The following C2CD3 variants were observed in gnomAD, a reference collection of about 807,000 sequenced individuals.
C2CD3 encodes the protein C2 domain containing 3 centriole elongation regulator.
C2CD3 carries 148 observed loss-of-function variants against 234.0 expected under a neutral mutation model. That is an observed-to-expected ratio of 0.63 (90% CI 0.55 to 0.72). The LOEUF is 0.72. C2CD3 is among the 30% of genes least tolerant of loss of function. The pLI is 0.00. For missense variants in C2CD3, 2,577 were observed against 2,811.5 expected, an observed-to-expected ratio of 0.92 and a Z score of 1.89; for synonymous variants, 1,000 against 1,035.4, an observed-to-expected ratio of 0.97 and a Z score of 0.66.
chr11:74,162,661 C>CTT (rs1381960535), intron 2 of C2CD3, among the ~76,000 whole-genome samples: 1 of 152,028 alleles, frequency 6.6e-6, no homozygotes, highest in Non-Finnish European at 1.5e-5. Context: ...CAACAAATAC[C>CTT]ACACACTGAG....
chr11:74,169,116 T>A (rs1190784963), intron 1 of C2CD3, among the ~76,000 whole-genome samples: 1 of 152,230 alleles, frequency 6.6e-6, no homozygotes, highest in Non-Finnish European at 1.5e-5. Flanking sequence ...CACAAACGAT[T>A]TAGACTATAT....
chr11:74,065,317 C>T (rs190837259), intron 24 of C2CD3, among the ~76,000 whole-genome samples: 1 of 152,304 alleles, frequency 6.6e-6, no homozygotes, highest in East Asian at 1.9e-4. Context: ...GAAAAAAACT[C>T]ATCATCACTG....
intron 30 of C2CD3, 149 bp downstream of exon 30, chr11:74,037,329 A>C: frequency 1.4e-6 from 1 of 695,706 alleles, no homozygotes. Context: ...TTCAAACGCA[A>C]GATGGTTAAA....
At position 74,074,332 on chromosome 11, in the gene C2CD3, C is replaced by T. The variant is rs745601290; in HGVS notation, c.4872G>A (p.Thr1624=). 6 of 1,614,230 alleles carry T rather than the reference C, an allele frequency of 3.7e-6. No homozygotes were observed. The highest frequency in any genetic ancestry group is 2.7e-5 in the African/African-American group (2 of 75,058). The change falls in exon 24 of 33, where the codon ACG becomes ACA. Residue 1624 remains threonine, a synonymous_variant. Coordinates refer to ENST00000334126, the MANE Select transcript of C2CD3 (RefSeq NM_001286577.2). ...CSSTTAEVRL[T]QEGPADLDGT... ...CATCCAAATCAGCAGGGCCCTCCTG[C>T]GTCAGGCGGACTTCAGCTGTGGTGC...
chr11:74,109,145 C>T lies in C2CD3; in HGVS notation c.1851G>A (p.Lys617=), dbSNP rs145991766. The change falls in exon 12 of 33, where the codon AAG becomes AAA. Residue 617 remains lysine (K), a synonymous_variant. Transcript: ENST00000334126. ...ASSKITDGKV[K]FQQRFVFPVQ... ...CTGGAAACACAAATCGCTGCTGGAA[C>T]TTCACCTCTGTAAGGAGAACCAGAC... 1 of 1,559,958 alleles carries T rather than the reference C, an allele frequency of 6.4e-7. No homozygotes were observed. Among genetic ancestry groups the T allele is most frequent in the Non-Finnish European group, 8.7e-7 (1 of 1,151,142 alleles).
chr11:74,142,149 G>A lies in C2CD3; in HGVS notation c.484-2321C>T, dbSNP rs532672756. The A allele has an allele frequency of 2.6e-5, 4 of 152,322 alleles. No individual in the cohort carries two copies. In the East Asian group the frequency reaches 7.7e-4, roughly 29 times the overall value. 9.4% of individuals were successfully genotyped at this position (152,322 alleles called of 1,614,324 possible). On this transcript the variant is annotated intron_variant, in intron 3 of 32. Coordinates refer to ENST00000334126, the MANE Select transcript of C2CD3 (RefSeq NM_001286577.2). ...TGGTGACATACCTATCAAGTACAAT[G>A]ACTACGGCTTCTAGTGCTTTGGCAA...
At chr11:74,139,456 A>T in intron 4 of C2CD3, 149 bp downstream of exon 4, 1 of 707,122 alleles carries the variant, frequency 1.4e-6, no homozygotes. Flanking sequence ...TCAAACCAGG[A>T]CCAGAGTGGG....
At chr11:74,132,727 G>C (rs761308310) in intron 7 of C2CD3, 117 bp downstream of exon 7, 22 of 949,146 alleles carry the variant, frequency 2.3e-5, no homozygotes, top group Non-Finnish European at 3.5e-5. Context: ...TTAAGGAATA[G>C]GGAAGGGCTT....
intron 7 of C2CD3, chr11:74,128,677 G>A (rs1394127621): frequency 6.6e-6 from 1 of 151,764 alleles, no homozygotes; most frequent in Non-Finnish European, 1.5e-5. Flanking sequence ...GTTTTCCTAG[G>A]CAGAGGACCC....
rs566285941 is a variant in C2CD3 at position 74,025,013 on chromosome 11, C to T, written c.6921+3274G>A. Among the ~76,000 whole-genome samples, 28 of 151,996 alleles carry T rather than the reference C, an allele frequency of 1.8e-4. No homozygotes were observed. The South Asian group carries it at 1.9e-3, about 10-fold the overall frequency. On this transcript the variant is annotated intron_variant, in intron 32 of 32. Transcript: ENST00000334126. ...GCAAACAATGGAATGTTGTTAAGGG[C>T]AACAAAGAAAAAAGGCTGAAAAGTA...
chr11:74,054,641 T>C lies in C2CD3; in HGVS notation c.5121A>G (p.Gln1707=), dbSNP rs909010609. 1.3e-5 allele frequency: 21 copies of C among 1,612,680 alleles called. No homozygotes were observed. The highest frequency in any genetic ancestry group is 5.0e-5 in the Admixed American group (3 of 59,826). The change falls in exon 26 of 33, where the codon CAA becomes CAG. Residue 1707 remains glutamine (Q), a synonymous_variant. Coordinates refer to ENST00000334126, the MANE Select transcript of C2CD3 (RefSeq NM_001286577.2). ...RLSKELLLDP[Q]QTLVFKVWHK... ...GCCAAACTTTGAAGACCAGGGTTTG[T>C]TGTGGGTCCAGAAGCAGCTCTTTTG...
At position 74,059,410 on chromosome 11, in the gene C2CD3, CAAAAA is replaced by C. The variant is rs57052333; in HGVS notation, c.4952-1871_4952-1867del. ...TGGGTGACAGAGCGAGACTCTGTCT[CAAAAA>C]AAAAAAAAAAAAAAAAAAAAGAAAG... On this transcript the variant is annotated intron_variant, in intron 24 of 32. Transcript: ENST00000334126. Among the ~76,000 whole-genome samples, 19 of 29,962 alleles carry C rather than the reference CAAAAA, an allele frequency of 6.3e-4. 1 individual carries two copies. The highest frequency in any genetic ancestry group is 2.4e-3 in the African/African-American group (17 of 7,234). The allele number at this position is 29,962 out of a possible 152,430, so 19.7% of individuals were successfully genotyped here. A position where few individuals can be genotyped will look rare whatever the true frequency, so the allele number is the denominator to read the frequency against.
chr11:74,066,313 G>C (rs1201869429), intron 24 of C2CD3, among the ~76,000 whole-genome samples: 1 of 143,930 alleles, frequency 6.9e-6, no homozygotes, highest in East Asian at 2.1e-4. Context: ...TAAATGACGA[G>C]TTAATGGGTG....
chr11:74,121,625 A>C (rs541596827), intron 8 of C2CD3, among the ~76,000 whole-genome samples: 2 of 151,946 alleles, frequency 1.3e-5, no homozygotes, highest in African/African-American at 4.8e-5. Context: ...AAAAAAAAAA[A>C]AAAAGAATTA....
At position 74,095,405 on chromosome 11, in the gene C2CD3, C is replaced by G; in HGVS notation, c.2983G>C (p.Glu995Gln). ...QPTAASVAMA[E>Q]DRGNGLMEHC... ...TCCATCAGTCCATTTCCTCGGTCCT[C>G]TGCCTATTAAATGAAACAGAAACAC... Residue 995 changes from glutamate (E) to glutamine (Q), a missense_variant, in exon 17 of 33, where the codon GAG becomes CAG. Transcript: ENST00000334126. 1 of 1,608,684 alleles carries G rather than the reference C, an allele frequency of 6.2e-7. No homozygotes were observed. Among genetic ancestry groups the G allele is most frequent in the Non-Finnish European group, 8.5e-7 (1 of 1,177,552 alleles).
chr11:74,039,196 T>C (rs1228944734), intron 29 of C2CD3, among the ~76,000 whole-genome samples: 1 of 152,222 alleles, frequency 6.6e-6, no homozygotes, highest in Non-Finnish European at 1.5e-5. Flanking sequence ...ACTGGTCTTG[T>C]TAGACCAGTG....
rs536811212 is a variant in C2CD3 at position 74,118,636 on chromosome 11, ATAAC to A, written c.1366-258_1366-255del. Among the ~76,000 whole-genome samples the A allele has an allele frequency of 3.2e-3, 493 of 152,312 alleles. 3 individuals are homozygous for A. In the Middle Eastern group the frequency reaches 0.034, roughly 11 times the overall value. The stretch of plus-strand genomic sequence containing the variant: ...TTCTTCTTTCAAATTCTCAATAATA[ATAAC>A]TATTATTTATTGACTATAGACCATA... On this transcript the variant is annotated intron_variant, in intron 8 of 32. Coordinates refer to ENST00000334126, the MANE Select transcript of C2CD3 (RefSeq NM_001286577.2).
chr11:74,130,090 G>T, intron 7 of C2CD3: 1 of 144,142 alleles, frequency 6.9e-6, no homozygotes, highest in East Asian at 2.1e-4. Context: ...AGACCGTGGG[G>T]AGAGGGAGAG....
intron 3 of C2CD3, among the ~76,000 whole-genome samples, chr11:74,141,773 T>A (rs915679718): frequency 2.0e-5 from 3 of 151,900 alleles, no homozygotes; most frequent in African/African-American, 7.3e-5. Flanking sequence ...GGTAGGAGGA[T>A]TGCTTGAGCC....
Sources: allele counts gnomAD v4.1 joint callset (sites outside exome capture counted in the v4.1 genomes callset), GRCh38; gene constraint gnomAD v4.1.1; transcripts MANE v1.5; gene names NCBI Gene and HGNC (gene_info 2026-07-23, HGNC 2026-07-21).